FGF14: variants seen among roughly 807,000 people sequenced by gnomAD.
FGF14 encodes the protein fibroblast growth factor 14.
FGF14 carries 5 observed loss-of-function variants against 25.5 expected under a neutral mutation model. The ratio of observed to expected loss-of-function variants is 0.20; its 90% CI spans 0.10 to 0.41. The LOEUF (loss-of-function observed/expected upper bound fraction) is 0.41. Ranked by LOEUF, FGF14 falls within the 10% of genes least tolerant of loss-of-function variation. The pLI is 1.00. For synonymous variants in FGF14, 138 were observed against 118.3 expected, an observed-to-expected ratio of 1.17 and a Z score of -1.08; for missense variants, 222 against 320.1, an observed-to-expected ratio of 0.69 and a Z score of 2.34.
At chr13:102,385,493 A>G (rs781764431) in intron 1 of FGF14, among the ~76,000 whole-genome samples, 2 of 152,214 alleles carry the variant, frequency 1.3e-5, no homozygotes, top group Non-Finnish European at 2.9e-5. Flanking sequence ...CTTCAATTAC[A>G]TCCTATTCTG....
chr13:101,817,261 C>A (rs1468678424), intron 3 of FGF14, among the ~76,000 whole-genome samples: 1 of 152,090 alleles, frequency 6.6e-6, no homozygotes, highest in Non-Finnish European at 1.5e-5. Flanking sequence ...AGAAATGATT[C>A]CCTCTTTTTC....
At chr13:101,738,845 GTA>G (rs141289784) in intron 3 of FGF14, among the ~76,000 whole-genome samples, 13 of 148,376 alleles carry the variant, frequency 8.8e-5, no homozygotes, top group Non-Finnish European at 8.9e-5. Flanking sequence ...TTTGTAATTG[GTA>G]TATATATATA....
Position 102,400,978 on chromosome 13 carries a change from A to AG in FGF14, c.208+492dup, listed in dbSNP as rs1033461339. Reference sequence around the variant, plus strand: ...TGACGGAGGAGCGGGGCCGCGAGGGAGGGGGCCTCTTTTACTTTGGTAAAG... The same window carrying AG: ...TGACGGAGGAGCGGGGCCGCGAGGGAGGGGGGCCTCTTTTACTTTGGTAAAG... On this transcript the variant is annotated intron_variant, in intron 1 of 4. Transcript: ENST00000376131. This position sits in a 1 kb window ranked among gnomAD's most constrained non-coding sequence, Gnocchi z 4.3. Among the ~76,000 whole-genome samples, 1 of 151,734 alleles carries AG rather than the reference A, an allele frequency of 6.6e-6. No homozygotes were observed. Among genetic ancestry groups the AG allele is most frequent in the Non-Finnish European group, 1.5e-5 (1 of 67,916 alleles).
chr13:101,845,272 C>A (rs989115348), intron 3 of FGF14, among the ~76,000 whole-genome samples: 1 of 151,976 alleles, frequency 6.6e-6, no homozygotes, highest in African/African-American at 2.4e-5. Context: ...TAATCCTAGA[C>A]CATAAATGTT....
Position 102,161,570 on chromosome 13 carries a change from AAAGAAAGAAGAAG to A in FGF14, c.208+239888_208+239900del, listed in dbSNP as rs2047652823. 8.0e-3 allele frequency among the ~76,000 whole-genome samples: 45 copies of A among 5,652 alleles called. 3 individuals carry two copies. The highest frequency in any genetic ancestry group is 0.012 in the African/African-American group (4 of 332). 3.7% of individuals were successfully genotyped at this position (5,652 alleles called of 152,430 possible). A position where few individuals can be genotyped will look rare whatever the true frequency, so the allele number is the denominator to read the frequency against. On this transcript the variant is annotated intron_variant, in intron 1 of 4. Coordinates refer to the FGF14 transcript ENST00000376131. Reference sequence around the variant, plus strand: ...TCTATGCAACCAACTTTCTGTGAAGAAAGAAAGAAGAAGAAGAAGAAGAAGAAGAAGAAGAAGA... The same window carrying A: ...TCTATGCAACCAACTTTCTGTGAAGAAAGAAGAAGAAGAAGAAGAAGAAGA...
chr13:102,388,222 T>C (rs149378934), intron 1 of FGF14, among the ~76,000 whole-genome samples: 1 of 152,288 alleles, frequency 6.6e-6, no homozygotes, highest in East Asian at 1.9e-4. Flanking sequence ...TTGAAGAAAG[T>C]AGTCAAAGCC....
chr13:101,947,200 G>A (rs1196764108), intron 1 of FGF14, among the ~76,000 whole-genome samples: 2 of 152,200 alleles, frequency 1.3e-5, no homozygotes, highest in African/African-American at 4.8e-5. Flanking sequence ...TGGCGAGGCT[G>A]CAGAGCAAAA....
rs772850555 is a variant in FGF14 at position 101,984,330 on chromosome 13, G to A, written c.209-109034C>T. ...AGTAGTCTTAAATTTTCTAAGAACC[G>A]TTTATTAATTCAACCATCAATTGTA... On this transcript the variant is annotated intron_variant, in intron 1 of 4. Transcript: ENST00000376131. 4.8e-4 allele frequency among the ~76,000 whole-genome samples: 73 copies of A among 152,090 alleles called. 1 individual carries two copies. The highest frequency in any genetic ancestry group is 9.1e-4 in the Non-Finnish European group (62 of 67,998).
chr13:102,244,797 C>T (rs966234218), intron 1 of FGF14, among the ~76,000 whole-genome samples: 8 of 151,910 alleles, frequency 5.3e-5, no homozygotes, highest in African/African-American at 1.9e-4. Flanking sequence ...ATGTGGATGG[C>T]CTCTTGTATC....
chr13:101,937,060 G>T (rs1277347480), intron 1 of FGF14, among the ~76,000 whole-genome samples: 1 of 152,126 alleles, frequency 6.6e-6, no homozygotes, highest in South Asian at 2.1e-4. Flanking sequence ...AAAAAGGATG[G>T]CGCTTTAATT....
intron 3 of FGF14, among the ~76,000 whole-genome samples, chr13:101,845,578 G>T (rs1381063153): frequency 6.6e-6 from 1 of 151,986 alleles, no homozygotes; most frequent in African/African-American, 2.4e-5. Context: ...CATGCTGAGA[G>T]AGACAGAAAC....
chr13:102,257,374 C>T (rs559388198), intron 1 of FGF14, among the ~76,000 whole-genome samples: 3 of 41,264 alleles, frequency 7.3e-5, no homozygotes, highest in African/African-American at 9.3e-5. Flanking sequence ...TTTTTCGAGA[C>T]GGAGTTTCAC....
chr13:102,335,118 T>C (rs370505722), intron 1 of FGF14, among the ~76,000 whole-genome samples: 4 of 152,308 alleles, frequency 2.6e-5, no homozygotes, highest in African/African-American at 9.6e-5. Flanking sequence ...AGGTAGCTCA[T>C]GGTGACTTGT....
intron 3 of FGF14, among the ~76,000 whole-genome samples, chr13:101,860,858 A>T (rs7996254): frequency 6.6e-6 from 1 of 152,082 alleles, no homozygotes; most frequent in Non-Finnish European, 1.5e-5. Context: ...TCTTATAAAT[A>T]TTGATGTTTG....
At chr13:101,908,314 C>A (rs765324163) in intron 1 of FGF14, among the ~76,000 whole-genome samples, 8 of 152,162 alleles carry the variant, frequency 5.3e-5, no homozygotes, top group Non-Finnish European at 1.0e-4. Context: ...CCCAGCCCCA[C>A]TCTTCAAAGC....
chr13:101,929,414 G>C (rs1449331564), intron 1 of FGF14, among the ~76,000 whole-genome samples: 1 of 152,208 alleles, frequency 6.6e-6, no homozygotes, highest in Non-Finnish European at 1.5e-5. Flanking sequence ...AGCGGAAGCA[G>C]CCTAATCTGT....
intron 1 of FGF14, among the ~76,000 whole-genome samples, chr13:102,037,529 A>G (rs574344424): frequency 6.6e-6 from 1 of 152,260 alleles, no homozygotes; most frequent in East Asian, 1.9e-4. Context: ...CTATATCCAT[A>G]TTCCTAACAT....
At chr13:102,351,649 A>G (rs1753048730) in intron 1 of FGF14, among the ~76,000 whole-genome samples, 1 of 152,222 alleles carries the variant, frequency 6.6e-6, no homozygotes, top group Admixed American at 6.5e-5. Flanking sequence ...AGGGACTGGC[A>G]GGTCCACTTC....
intron 1 of FGF14, among the ~76,000 whole-genome samples, chr13:102,132,806 C>A (rs1181733299): frequency 1.3e-5 from 2 of 152,146 alleles, no homozygotes; most frequent in African/African-American, 4.8e-5. Context: ...CAGCTGTGAG[C>A]CCCTGCACCC....
Sources: allele counts gnomAD v4.1 joint callset (sites outside exome capture counted in the v4.1 genomes callset), GRCh38; gene constraint gnomAD v4.1.1; non-coding constraint Gnocchi (gnomAD v3.1); transcripts MANE v1.5; gene names NCBI Gene and HGNC (gene_info 2026-07-23, HGNC 2026-07-21).